COX10: variants seen among roughly 807,000 people sequenced by gnomAD.
COX10 encodes protoheme IX farnesyltransferase, mitochondrial.
A neutral mutation model predicts 37.3 loss-of-function variants in COX10; 27 were observed. The observed-to-expected ratio is 0.72, with a 90% CI of 0.53 to 1.00. The LOEUF is 1.00. Ranked by LOEUF, COX10 falls within the 50% of genes least tolerant of loss-of-function variation. The pLI is 0.00. For missense variants in COX10, 475 were observed against 563.2 expected, an observed-to-expected ratio of 0.84 and a Z score of 1.59; for synonymous variants, 222 against 229.1, an observed-to-expected ratio of 0.97 and a Z score of 0.28.
intron 4 of COX10, among the ~76,000 whole-genome samples, chr17:14,119,650 A>G (rs1013359921): frequency 2.6e-5 from 4 of 152,172 alleles, no homozygotes; most frequent in African/African-American, 7.2e-5. Flanking sequence ...GGAGTTTTCT[A>G]GGCAATAAGA....
chr17:14,206,109 C>T (rs1906690581), intron 6 of COX10, among the ~76,000 whole-genome samples: 1 of 152,154 alleles, frequency 6.6e-6, no homozygotes, highest in Non-Finnish European at 1.5e-5. Flanking sequence ...AGGAATGTGG[C>T]AGGCTTGTGC....
At chr17:14,076,270 T>A (rs546778089) in intron 2 of COX10, among the ~76,000 whole-genome samples, 2 of 151,878 alleles carry the variant, frequency 1.3e-5, no homozygotes, top group Admixed American at 1.3e-4. Flanking sequence ...ACCCACTAAT[T>A]TTTTGTTTGT....
chr17:14,143,342 T>C (rs1002730892), intron 4 of COX10, among the ~76,000 whole-genome samples: 1 of 152,228 alleles, frequency 6.6e-6, no homozygotes, highest in African/African-American at 2.4e-5. Flanking sequence ...CATTTTGTTA[T>C]GTATTTGCTT....
intron 4 of COX10, among the ~76,000 whole-genome samples, chr17:14,144,794 C>CT: frequency 6.6e-6 from 1 of 152,198 alleles, no homozygotes; most frequent in Non-Finnish European, 1.5e-5. Flanking sequence ...TCAAAGTTTT[C>CT]TTTTCTTTTT....
intron 5 of COX10, among the ~76,000 whole-genome samples, chr17:14,169,238 G>A (rs910945889): frequency 3.9e-5 from 6 of 152,190 alleles, no homozygotes; most frequent in Non-Finnish European, 8.8e-5. Flanking sequence ...TAGCAAGAGT[G>A]ACCTTTACTC....
At chr17:14,198,107 G>A (rs1006297484) in intron 6 of COX10, among the ~76,000 whole-genome samples, 1 of 152,158 alleles carries the variant, frequency 6.6e-6, no homozygotes, top group Non-Finnish European at 1.5e-5. Context: ...CCAGCTTGTT[G>A]TCACAGGAAC....
At chr17:14,177,184 C>G (rs1905718916) in intron 5 of COX10, 14 of 697,036 alleles carry the variant, frequency 2.0e-5, no homozygotes, top group Admixed American at 1.0e-4. Context: ...GTCTCGTCTT[C>G]TTCATCTGGT....
intron 4 of COX10, among the ~76,000 whole-genome samples, chr17:14,138,319 A>G (rs1375967748): frequency 6.6e-6 from 1 of 152,176 alleles, no homozygotes; most frequent in East Asian, 1.9e-4. Flanking sequence ...CATTTTACAG[A>G]TAAGCCAAAC....
intron 1 of COX10, 58 bp from the exon 2 acceptor site, chr17:14,074,265 T>C: frequency 6.2e-7 from 1 of 1,607,886 alleles, no homozygotes; most frequent in South Asian, 1.1e-5. Context: ...GGTGTAGTCA[T>C]CATTTGATAA....
At chr17:14,204,987 G>A (rs1829335342) in intron 6 of COX10, among the ~76,000 whole-genome samples, 1 of 151,900 alleles carries the variant, frequency 6.6e-6, no homozygotes, top group South Asian at 2.1e-4. Context: ...TGCACCTATA[G>A]TGCCAGCTAT....
At chr17:14,183,399 T>A (rs1905924258) in intron 5 of COX10, among the ~76,000 whole-genome samples, 1 of 152,192 alleles carries the variant, frequency 6.6e-6, no homozygotes, top group African/African-American at 2.4e-5. Flanking sequence ...ATTAGAACTT[T>A]TTTTACAATA....
chr17:14,104,039 G>A (rs575912099), intron 4 of COX10, among the ~76,000 whole-genome samples: 53 of 152,172 alleles, frequency 3.5e-4, no homozygotes, highest in Non-Finnish European at 4.3e-4. Context: ...CTGGAACTCC[G>A]TGTCATGTTC....
In COX10 at chr17:14,192,052, G is replaced by A. The variant is rs1597545128; in HGVS notation, c.759G>A (p.Leu253=). ...TTCCGGGAGTTGCCATTCTGACCTT[G>A]GGGGTGAATCCACTCACAGGAGCCC... ...CAVPGVAILT[L]GVNPLTGALG... is the part of the protein sequence containing the mutation. Residue 253 remains leucine (L), a synonymous_variant, in exon 6 of 7, where the codon TTG becomes TTA. Coordinates refer to ENST00000261643, the MANE Select transcript of COX10 (RefSeq NM_001303.4). 6.2e-7 allele frequency: 1 copy of A among 1,614,146 alleles called. No homozygotes were observed. The highest frequency in any genetic ancestry group is 8.5e-7 in the Non-Finnish European group (1 of 1,180,028).
At chr17:14,168,186 G>T (rs1028697599) in intron 5 of COX10, among the ~76,000 whole-genome samples, 2 of 152,212 alleles carry the variant, frequency 1.3e-5, no homozygotes, top group Admixed American at 1.3e-4. Flanking sequence ...ACCCAAAAGG[G>T]CCATCATTAA....
At chr17:14,177,211 C>G in intron 5 of COX10, 1 of 724,610 alleles carries the variant, frequency 1.4e-6, no homozygotes, top group Non-Finnish European at 2.5e-6. Flanking sequence ...CGTCACTGTT[C>G]TAGGGGCTTC....
chr17:14,112,903 G>A (rs373886275), intron 4 of COX10, among the ~76,000 whole-genome samples: 1 of 152,146 alleles, frequency 6.6e-6, no homozygotes, highest in Non-Finnish European at 1.5e-5. Flanking sequence ...AAGCAGGAGG[G>A]CAGGCCGAGA....
chr17:14,091,297 C>G (rs1185134948), intron 3 of COX10, among the ~76,000 whole-genome samples: 1 of 152,158 alleles, frequency 6.6e-6, no homozygotes, highest in Non-Finnish European at 1.5e-5. Flanking sequence ...TCAGAGGGAT[C>G]TGCAAAGACT....
At chr17:14,141,235 C>A (rs1464350020) in intron 4 of COX10, among the ~76,000 whole-genome samples, 1 of 151,854 alleles carries the variant, frequency 6.6e-6, no homozygotes, top group Non-Finnish European at 1.5e-5. Flanking sequence ...TGTATTATAC[C>A]TATAAAGACT....
intron 5 of COX10, among the ~76,000 whole-genome samples, chr17:14,186,597 G>A (rs1294642051): frequency 6.6e-6 from 1 of 151,818 alleles, no homozygotes; most frequent in East Asian, 1.9e-4. Flanking sequence ...CAGCATCAGT[G>A]CCCCCAGGAC....
Sources: allele counts gnomAD v4.1 joint callset (sites outside exome capture counted in the v4.1 genomes callset), GRCh38; gene constraint gnomAD v4.1.1; transcripts MANE v1.5; gene names NCBI Gene and HGNC (gene_info 2026-07-23, HGNC 2026-07-21).